SNX29: variants seen among roughly 807,000 people sequenced by gnomAD.
SNX29 encodes sorting nexin 29, also known as sorting nexin-29.
A neutral mutation model predicts 102.1 loss-of-function variants in SNX29; 78 were observed. The ratio of observed to expected loss-of-function variants is 0.76; its 90% confidence interval spans 0.64 to 0.92. The LOEUF is 0.92. Among genes scored for constraint, SNX29 ranks in the 40% least tolerant of loss-of-function variants. The pLI is 0.00. For missense variants in SNX29, 1,280 were observed against 1,061.7 expected (o/e 1.21, Z -2.86); for synonymous variants, 580 against 414.5 (o/e 1.40, Z -4.85).
chr16:12,360,875 A>G (rs2082281618), intron 16 of SNX29, among the ~76,000 whole-genome samples: 1 of 152,204 alleles, frequency 6.6e-6, no homozygotes, highest in Non-Finnish European at 1.5e-5. Context: ...AGGTTCAGAG[A>G]AGCCTCCAGT....
At chr16:12,402,229 AG>A (rs2083974059) in intron 17 of SNX29, among the ~76,000 whole-genome samples, 1 of 152,254 alleles carries the variant, frequency 6.6e-6, no homozygotes, top group South Asian at 2.1e-4. Flanking sequence ...AGAGATGAGA[AG>A]AAATGCTATT....
chr16:12,398,402 C>A (rs755673420), intron 16 of SNX29, 44 bp from the exon 17 acceptor site: 2 of 1,596,232 alleles, frequency 1.3e-6, no homozygotes, highest in East Asian at 2.2e-5. Context: ...CCATGGTAAC[C>A]ATTATGCATT....
rs1319947211 is a variant in SNX29, at chr16:12,570,486, G to A, written c.*1857G>A. 4.3e-6 allele frequency: 1 copy of A among 233,288 alleles called. No individual in the cohort carries two copies. Among genetic ancestry groups the A allele is most frequent in the Non-Finnish European group, 8.5e-6 (1 of 118,342 alleles). 14.5% of individuals were successfully genotyped at this position (233,288 alleles called of 1,614,324 possible). A position where few individuals can be genotyped will look rare whatever the true frequency, so the allele number is the denominator to read the frequency against. On this transcript the variant is annotated 3_prime_UTR_variant, in exon 21 of 21. Transcript: ENST00000566228. ...CGTCTAAAAGCTCAATCTGCTGTATGTCATGACCCCTTAGGTTGGGTTTAT... is the reference window on the plus strand; with the variant it reads ...CGTCTAAAAGCTCAATCTGCTGTATATCATGACCCCTTAGGTTGGGTTTAT...
intron 16 of SNX29, among the ~76,000 whole-genome samples, chr16:12,357,970 G>A (rs769864614): frequency 1.6e-3 from 242 of 152,260 alleles, no homozygotes; most frequent in Non-Finnish European, 3.0e-3. Flanking sequence ...TAATTTTGCT[G>A]ATTATATGAC....
chr16:12,535,817 G>A (rs1430670212), intron 20 of SNX29, among the ~76,000 whole-genome samples: 2 of 152,116 alleles, frequency 1.3e-5, no homozygotes, highest in East Asian at 3.9e-4. Flanking sequence ...AAGCCTTGCC[G>A]CCACTTTGGC....
At chr16:12,121,245 A>G (rs1237846064) in intron 11 of SNX29, among the ~76,000 whole-genome samples, 1 of 152,218 alleles carries the variant, frequency 6.6e-6, no homozygotes, top group Non-Finnish European at 1.5e-5. Context: ...GTGGAGGTGC[A>G]TATGAAGAGC....
chr16:12,562,285 C>G (rs920952966), intron 20 of SNX29, among the ~76,000 whole-genome samples: 1 of 152,140 alleles, frequency 6.6e-6, no homozygotes, highest in Non-Finnish European at 1.5e-5. Context: ...ACGCTCTATC[C>G]CAGCATCAAA....
intron 14 of SNX29, among the ~76,000 whole-genome samples, chr16:12,218,897 C>A (rs1321409102): frequency 6.6e-6 from 1 of 152,158 alleles, no homozygotes; most frequent in African/African-American, 2.4e-5. Flanking sequence ...GCCTCAGCCT[C>A]CCAAGTAGCT....
chr16:12,531,824 A>G (rs2076939685), intron 20 of SNX29, among the ~76,000 whole-genome samples: 1 of 152,226 alleles, frequency 6.6e-6, no homozygotes. Flanking sequence ...AACGTCTTCT[A>G]GGATGGCCGC....
At chr16:12,117,968 GT>G (rs1479260953) in intron 11 of SNX29, among the ~76,000 whole-genome samples, 1 of 152,022 alleles carries the variant, frequency 6.6e-6, no homozygotes, top group Non-Finnish European at 1.5e-5. Context: ...GTGGTGGCAT[GT>G]GCCTGTAGTC....
At chr16:12,079,612 A>G (rs994875826) in intron 11 of SNX29, among the ~76,000 whole-genome samples, 3 of 152,196 alleles carry the variant, frequency 2.0e-5, no homozygotes, top group African/African-American at 2.4e-5. Flanking sequence ...GTGAGCAGAC[A>G]CTATGTAAAC....
rs78076725 is a variant in SNX29, at chr16:12,555,442, T to G, written c.2319-13064T>G. Among the ~76,000 whole-genome samples the G allele has an allele frequency of 5.3e-5, 8 of 152,186 alleles. 1 individual carries two copies. The highest frequency in any genetic ancestry group is 4.1e-4 in the South Asian group (2 of 4,832). On this transcript the variant is annotated intron_variant, in intron 20 of 20. Coordinates refer to ENST00000566228, the MANE Select transcript of SNX29 (RefSeq NM_032167.5). The stretch of plus-strand genomic sequence containing the variant: ...GGTTGCTTTGTAGGAGACACTCATG[T>G]ACGCAGGGTGTTTCCCTAGTTGACA...
At chr16:12,260,882 G>C in intron 14 of SNX29, among the ~76,000 whole-genome samples, 1 of 148,382 alleles carries the variant, frequency 6.7e-6, no homozygotes, top group Admixed American at 6.7e-5. Flanking sequence ...GTCTGTGCAT[G>C]CGTCCCCAGC....
Position 12,569,157 on chromosome 16 carries a change from A to G in SNX29, c.*528A>G, listed in dbSNP as rs1390858333. ...GGGGGGGGGGGGCATGGTTCCTTTC[A>G]CTGCATTTTCCACCAACAGTCATTA... On this transcript the variant is annotated 3_prime_UTR_variant, in exon 21 of 21. Transcript: ENST00000566228. 5.4e-6 allele frequency: 1 copy of G among 186,024 alleles called. No homozygotes were observed. Among genetic ancestry groups the G allele is most frequent in the Non-Finnish European group, 1.0e-5 (1 of 97,578 alleles). 11.5% of individuals were successfully genotyped at this position (186,024 alleles called of 1,614,324 possible).
At chr16:12,026,151 T>C (rs546169770) in intron 3 of SNX29, among the ~76,000 whole-genome samples, 1 of 152,332 alleles carries the variant, frequency 6.6e-6, no homozygotes, top group East Asian at 1.9e-4. Flanking sequence ...TCAAGGCCTT[T>C]GCACTGGGCC....
intron 9 of SNX29, among the ~76,000 whole-genome samples, chr16:12,062,333 C>T (rs1006767332): frequency 6.6e-6 from 1 of 151,506 alleles, no homozygotes; most frequent in East Asian, 1.9e-4. Context: ...GAGCCGATAT[C>T]GTGGCACTGT....
In SNX29 at chr16:12,568,616, G is replaced by A. The variant is rs760123657; in HGVS notation, c.2429G>A (p.Ser810Asn). Residue 810 changes from serine to asparagine, a missense_variant, in exon 21 of 21, where the codon AGC (serine) becomes AAC (asparagine). By Grantham distance (46) the Ser-to-Asn change is conservative. Transcript: ENST00000566228. ...GAGACCCGCAACGTGGAGCCCCAGA[G>A]CGGTGACCTCTGACCTCGACAAAAC... ...PRETRNVEPQSGDL is the reference protein window; with the variant it reads ...PRETRNVEPQNGDL 2 of 1,603,836 alleles carry A rather than the reference G, an allele frequency of 1.2e-6. No homozygotes were observed. The highest frequency in any genetic ancestry group is 2.7e-5 in the African/African-American group (2 of 74,924).
chr16:12,381,082 A>C, intron 16 of SNX29, among the ~76,000 whole-genome samples: 1 of 21,010 alleles, frequency 4.8e-5, no homozygotes, highest in Non-Finnish European at 8.5e-5. Flanking sequence ...CCATCCATCC[A>C]CCCACCCACC....
At chr16:12,564,743 A>G (rs2078920587) in intron 20 of SNX29, among the ~76,000 whole-genome samples, 1 of 151,900 alleles carries the variant, frequency 6.6e-6, no homozygotes, top group Non-Finnish European at 1.5e-5. Flanking sequence ...TGTGCCTAAC[A>G]ACTGTCTGCT....
Sources: allele counts gnomAD v4.1 joint callset (sites outside exome capture counted in the v4.1 genomes callset), GRCh38; gene constraint gnomAD v4.1.1; transcripts MANE v1.5; gene names NCBI Gene and HGNC (gene_info 2026-07-23, HGNC 2026-07-21).